The following ABLIM3 variants were observed in gnomAD, a reference collection of about 807,000 sequenced individuals.
The protein encoded by ABLIM3 is actin-binding LIM protein 3.
A neutral mutation model predicts 109.5 loss-of-function variants in ABLIM3; 61 were observed. The observed-to-expected ratio is 0.56, with a 90% CI of 0.45 to 0.69. The LOEUF (loss-of-function observed/expected upper bound fraction) is 0.69, where lower values mean the gene tolerates loss of function less well. ABLIM3 is among the 30% of genes least tolerant of loss of function. ABLIM3 has a pLI of 0.00. For synonymous variants in ABLIM3, 300 were observed against 324.8 expected (o/e 0.92, Z 0.82); for missense variants, 796 against 889.5 (o/e 0.89, Z 1.34).
intron 11 of ABLIM3, among the ~76,000 whole-genome samples, chr5:149,238,815 C>T (rs1396841378): frequency 6.6e-6 from 1 of 152,198 alleles, no homozygotes. Context: ...CAGCCTGGCC[C>T]CTGCTTAGCC....
At chr5:149,212,889 C>A (rs1298988093) in intron 7 of ABLIM3, among the ~76,000 whole-genome samples, 1 of 152,090 alleles carries the variant, frequency 6.6e-6, no homozygotes, top group African/African-American at 2.4e-5. Flanking sequence ...CTTTGGGATG[C>A]CAACACAGGG....
intron 2 of ABLIM3, among the ~76,000 whole-genome samples, chr5:149,171,080 C>A (rs1323458141): frequency 1.3e-5 from 2 of 152,128 alleles, no homozygotes; most frequent in Non-Finnish European, 2.9e-5. Context: ...CCAAGTTCTA[C>A]CTTAGATTGT....
chr5:149,239,909 G>A (rs1265165969), intron 13 of ABLIM3, 21 bp downstream of exon 13: 1 of 1,585,486 alleles, frequency 6.3e-7, no homozygotes, highest in African/African-American at 1.4e-5. Context: ...GGGAGGACCT[G>A]AAGGGAGAGG....
intron 2 of ABLIM3, chr5:149,164,282 A>G (rs192565056): frequency 6.6e-6 from 1 of 152,334 alleles, no homozygotes; most frequent in East Asian, 1.9e-4. Context: ...TGTCACATTT[A>G]TGCTGACCAA....
At chr5:149,179,748 T>C (rs937388878) in intron 2 of ABLIM3, among the ~76,000 whole-genome samples, 8 of 152,178 alleles carry the variant, frequency 5.3e-5, no homozygotes, top group African/African-American at 1.7e-4. Flanking sequence ...TAGCCACTAA[T>C]CACATGTGAC....
At chr5:149,209,732 G>T (rs933425848) in intron 6 of ABLIM3, among the ~76,000 whole-genome samples, 1 of 152,170 alleles carries the variant, frequency 6.6e-6, no homozygotes, top group Non-Finnish European at 1.5e-5. Flanking sequence ...GAGTTGAAAG[G>T]GTTGGGGGAG....
chr5:149,154,312 C>T (rs1198505339), intron 2 of ABLIM3, among the ~76,000 whole-genome samples: 2 of 152,194 alleles, frequency 1.3e-5, no homozygotes, highest in African/African-American at 4.8e-5. Flanking sequence ...GAGTTGTTCT[C>T]GAAAGAGAGT....
intron 4 of ABLIM3, among the ~76,000 whole-genome samples, chr5:149,199,864 T>C (rs975928826): frequency 2.8e-4 from 42 of 152,294 alleles, no homozygotes; most frequent in African/African-American, 9.9e-4. Flanking sequence ...GAGTAAAAGA[T>C]TATTTACAGA....
intron 2 of ABLIM3, among the ~76,000 whole-genome samples, chr5:149,142,400 C>G (rs550760597): frequency 6.6e-6 from 1 of 152,188 alleles, no homozygotes; most frequent in Non-Finnish European, 1.5e-5. Flanking sequence ...CAGTGTGTGG[C>G]CATTGTCTGA....
chr5:149,252,009 C>T (rs1753975523), intron 21 of ABLIM3, among the ~76,000 whole-genome samples, 192 bp from the exon 22 acceptor site: 2 of 152,196 alleles, frequency 1.3e-5, no homozygotes, highest in Admixed American at 6.5e-5. Context: ...TATCTTCAGC[C>T]TTCCACTGTG....
intron 7 of ABLIM3, 134 bp from the exon 8 acceptor site, chr5:149,216,825 G>A (rs1760137743): frequency 1.1e-5 from 8 of 738,246 alleles, no homozygotes; most frequent in Admixed American, 1.1e-4. Flanking sequence ...GACTCCCTTG[G>A]GTAGCTCCAA....
chr5:149,257,050 A>T (rs1754494438), intron 23 of ABLIM3, among the ~76,000 whole-genome samples: 1 of 152,240 alleles, frequency 6.6e-6, no homozygotes, highest in South Asian at 2.1e-4. Flanking sequence ...TACGCCTGTA[A>T]TCCCAGCACT....
chr5:149,170,060 CA>C (rs1755233929), intron 2 of ABLIM3, among the ~76,000 whole-genome samples: 1 of 151,980 alleles, frequency 6.6e-6, no homozygotes, highest in Non-Finnish European at 1.5e-5. Context: ...GTTCGTTGTA[CA>C]GATTATTTCC....
Position 149,207,063 on chromosome 5 carries a change from C to G in ABLIM3, c.504C>G (p.Asp168Glu). 1 of 1,614,060 alleles carries G rather than the reference C, an allele frequency of 6.2e-7. No homozygotes were observed. Among genetic ancestry groups the G allele is most frequent in the Non-Finnish European group, 8.5e-7 (1 of 1,179,986 alleles). Residue 168 changes from aspartate to glutamate, a missense_variant, in exon 6 of 24, where the codon GAC becomes GAG. Asp to Glu is a conservative substitution (Grantham distance 45). Coordinates refer to ENST00000309868, the MANE Select transcript of ABLIM3 (RefSeq NM_014945.5). ...IKHGQSLLAL[D>E]KQWHVSCFKC... ...ACGGCCAGTCACTCCTGGCTCTGGA[C>G]AAGCAGTGGCACGTCAGCTGCTTCA... is the stretch of plus-strand genomic sequence containing the variant.
chr5:149,142,980 C>T (rs1380665472), intron 2 of ABLIM3, among the ~76,000 whole-genome samples: 1 of 152,108 alleles, frequency 6.6e-6, no homozygotes, highest in Admixed American at 6.5e-5. Flanking sequence ...CCCCTATGAA[C>T]AGTCACTTCC....
chr5:149,179,738 T>G (rs2127471170), intron 2 of ABLIM3, among the ~76,000 whole-genome samples: 1 of 152,278 alleles, frequency 6.6e-6, no homozygotes, highest in East Asian at 1.9e-4. Context: ...GTCATTATGG[T>G]AGCCACTAAT....
chr5:149,191,950 C>A (rs2127487104), intron 3 of ABLIM3, among the ~76,000 whole-genome samples: 1 of 152,294 alleles, frequency 6.6e-6, no homozygotes, highest in Admixed American at 6.5e-5. Flanking sequence ...CTCCACCTCC[C>A]AGGTTCATGA....
chr5:149,255,301 A>C lies in ABLIM3; in HGVS notation c.1938+2464A>C, dbSNP rs17795981. Among the ~76,000 whole-genome samples the C allele has an allele frequency of 1.3e-3, 201 of 152,346 alleles. 2 individuals carry two copies. The East Asian group carries it at 0.03, about 23-fold the overall frequency. On this transcript the variant is annotated intron_variant, in intron 23 of 23. Coordinates refer to ENST00000309868, the MANE Select transcript of ABLIM3 (RefSeq NM_014945.5). ...AATCTAGCTCTCCTCCTATGTCTGC[A>C]GAAGCATCTGGGTACGGTTCGAGGT...
At chr5:149,179,547 C>T (rs887449005) in intron 2 of ABLIM3, among the ~76,000 whole-genome samples, 2 of 151,964 alleles carry the variant, frequency 1.3e-5, no homozygotes, top group Admixed American at 6.6e-5. Flanking sequence ...AACTTTAGAA[C>T]TCTTTAGGGA....
Sources: allele counts gnomAD v4.1 joint callset (sites outside exome capture counted in the v4.1 genomes callset), GRCh38; gene constraint gnomAD v4.1.1; transcripts MANE v1.5; gene names NCBI Gene and HGNC (gene_info 2026-07-23, HGNC 2026-07-21).